The following FMO4 variants were observed in gnomAD, a reference collection of about 807,000 sequenced individuals.
FMO4 encodes the protein dimethylaniline monooxygenase [N-oxide-forming] 4.
FMO4 carries 38 observed loss-of-function variants against 43.3 expected under a neutral mutation model. The ratio of observed to expected loss-of-function variants is 0.88; its 90% confidence interval spans 0.68 to 1.15. The LOEUF is 1.15. Ranked by LOEUF, FMO4 falls within the 50% of genes most tolerant of loss-of-function variation. FMO4 has a pLI of 0.00. For synonymous variants in FMO4, 224 were observed against 232.2 expected, an observed-to-expected ratio of 0.96 and a Z score of 0.32; for missense variants, 631 against 663.3, an observed-to-expected ratio of 0.95 and a Z score of 0.54.
At chr1:171,338,888 C>G (rs1218953910) in intron 9 of FMO4, among the ~76,000 whole-genome samples, 1 of 152,072 alleles carries the variant, frequency 6.6e-6, no homozygotes, top group Non-Finnish European at 1.5e-5. Context: ...TACAATGGTG[C>G]CTGGAATGTG....
At chr1:171,335,999 A>G (rs1663098823) in intron 8 of FMO4, among the ~76,000 whole-genome samples, 1 of 152,230 alleles carries the variant, frequency 6.6e-6, no homozygotes. Flanking sequence ...AGCTCACACC[A>G]TAGGAGTAAT....
At chr1:171,317,562 T>G (rs16864389) in intron 2 of FMO4, among the ~76,000 whole-genome samples, 6,749 of 152,256 alleles carry the variant, frequency 0.044, 476 homozygotes, top group African/African-American at 0.15. Context: ...AGCAATGTGA[T>G]ATGTGCAGAA....
At chr1:171,317,561 A>G (rs1316812112) in intron 2 of FMO4, among the ~76,000 whole-genome samples, 2 of 152,172 alleles carry the variant, frequency 1.3e-5, no homozygotes, top group South Asian at 2.1e-4. Flanking sequence ...AAGCAATGTG[A>G]TATGTGCAGA....
chr1:171,323,263 A>T, intron 4 of FMO4, 71 bp downstream of exon 4: 1 of 1,010,376 alleles, frequency 9.9e-7, no homozygotes, highest in East Asian at 2.4e-5. Flanking sequence ...TGAAAATTGG[A>T]TGTTTAAAGT....
chr1:171,332,560 G>A lies in FMO4; in HGVS notation c.628-149G>A, dbSNP rs1451486919. The A allele has an allele frequency of 6.9e-6, 4 of 583,362 alleles. No individual in the cohort carries two copies. In the African/African-American group the frequency reaches 7.5e-5, roughly 11 times the overall value. The allele number at this position is 583,362 out of a possible 1,614,324, so 36.1% of individuals were successfully genotyped here. A position where few individuals can be genotyped will look rare whatever the true frequency, so the allele number is the denominator to read the frequency against. On this transcript the variant is annotated intron_variant, in intron 6 of 9. Transcript: ENST00000367749. ...GAGAACAATGACAGCAATAGGAACA[G>A]ATAATCGTATGTAGACCTATGTACA...
At chr1:171,326,538 GTTTCT>G (rs1412020262) in intron 5 of FMO4, among the ~76,000 whole-genome samples, 2 of 152,204 alleles carry the variant, frequency 1.3e-5, no homozygotes, top group Non-Finnish European at 2.9e-5. Context: ...TTACAAGCAG[GTTTCT>G]GAAGGGAACA....
At position 171,324,177 on chromosome 1, in the gene FMO4, G is replaced by A. The variant is rs142319717; in HGVS notation, c.361G>A (p.Glu121Lys). The A allele has an allele frequency of 2.4e-5, 39 of 1,613,352 alleles. No individual in the cohort carries two copies. The highest frequency in any genetic ancestry group is 3.3e-4 in the Middle Eastern group (2 of 6,076). The change falls in exon 5 of 10, where the codon GAA (glutamate) becomes AAA (lysine). Residue 121 changes from glutamate (E) to lysine (K), a missense_variant. Glu to Lys is a moderately conservative substitution (Grantham distance 56, BLOSUM62 1). Coordinates refer to ENST00000367749, the MANE Select transcript of FMO4 (RefSeq NM_002022.3). Reference protein sequence around the residue: ...CSITKRPDFSETGQWDVVTET... With the variant: ...CSITKRPDFSKTGQWDVVTET... Reference sequence around the variant, plus strand: ...CATAACGAAGCGTCCAGACTTCTCCGAAACTGGTCAGTGGGATGTTGTCAC... The same window carrying A: ...CATAACGAAGCGTCCAGACTTCTCCAAAACTGGTCAGTGGGATGTTGTCAC...
At chr1:171,318,559 A>C (rs1033938222) in intron 2 of FMO4, among the ~76,000 whole-genome samples, 2 of 152,114 alleles carry the variant, frequency 1.3e-5, no homozygotes, top group Non-Finnish European at 2.9e-5. Flanking sequence ...GAATATTTTC[A>C]TTTTACTTCC....
At chr1:171,339,400 G>T (rs560535572) in intron 9 of FMO4, among the ~76,000 whole-genome samples, 25 of 152,204 alleles carry the variant, frequency 1.6e-4, no homozygotes, top group African/African-American at 1.9e-4. Flanking sequence ...GCATCTCCAG[G>T]ATCTCATGGA....
intron 6 of FMO4, among the ~76,000 whole-genome samples, chr1:171,332,393 T>C (rs997176289): frequency 6.6e-6 from 1 of 152,220 alleles, no homozygotes; most frequent in African/African-American, 2.4e-5. Flanking sequence ...TTTCCATACC[T>C]TCACTTTAAG....
rs758152278 is a variant in FMO4 at position 171,324,195 on chromosome 1, G to A, written c.379G>A (p.Val127Ile). 6.2e-6 allele frequency: 10 copies of A among 1,613,698 alleles called. No individual in the cohort carries two copies. Among genetic ancestry groups the A allele is most frequent in the Non-Finnish European group, 8.5e-6 (10 of 1,179,848 alleles). ...CTTCTCCGAAACTGGTCAGTGGGAT[G>A]TTGTCACAGAGACAGAGGGCAAGCA... The part of the protein sequence containing the change: ...PDFSETGQWD[V>I]VTETEGKQNR... The change falls in exon 5 of 10, where the codon GTT becomes ATT. Residue 127 changes from valine to isoleucine, a missense_variant. Transcript: ENST00000367749.
chr1:171,337,228 C>A, intron 8 of FMO4, 128 bp from the exon 9 acceptor site: 1 of 723,398 alleles, frequency 1.4e-6, no homozygotes, highest in Admixed American at 2.3e-5. Flanking sequence ...GCTGCATTTC[C>A]ATTCTGAGCT....
At chr1:171,338,199 C>T (rs571447630) in intron 9 of FMO4, among the ~76,000 whole-genome samples, 2 of 152,178 alleles carry the variant, frequency 1.3e-5, no homozygotes, top group African/African-American at 4.8e-5. Context: ...CTCCTACCTA[C>T]CAAATAAATC....
intron 1 of FMO4, among the ~76,000 whole-genome samples, 200 bp from the exon 2 acceptor site, chr1:171,315,986 T>C (rs562351105): frequency 1.1e-3 from 162 of 152,314 alleles, no homozygotes; most frequent in Middle Eastern, 6.8e-3. Flanking sequence ...CTTTTTTAAA[T>C]TCTAAGACTT....
intron 2 of FMO4, among the ~76,000 whole-genome samples, chr1:171,317,285 A>T: frequency 1.3e-5 from 2 of 152,316 alleles, no homozygotes; most frequent in South Asian, 4.1e-4. Context: ...TACAAAAATC[A>T]CACAGGGGTT....
intron 5 of FMO4, among the ~76,000 whole-genome samples, chr1:171,326,929 A>G (rs1197575952): frequency 1.3e-5 from 2 of 152,124 alleles, no homozygotes; most frequent in African/African-American, 2.4e-5. Context: ...TATCAAATAT[A>G]TTTCTTTTTT....
At chr1:171,332,962 C>T (rs1662965372) in intron 7 of FMO4, 54 bp downstream of exon 7, 3 of 833,224 alleles carry the variant, frequency 3.6e-6, no homozygotes, top group East Asian at 2.7e-5. Context: ...TTTATCATTA[C>T]ATTTTATTCA....
intron 5 of FMO4, among the ~76,000 whole-genome samples, chr1:171,328,548 G>T (rs1009673131): frequency 1.3e-5 from 2 of 152,058 alleles, no homozygotes; most frequent in Non-Finnish European, 2.9e-5. Flanking sequence ...TACTCAGGAG[G>T]CTGAGGCAGG....
intron 2 of FMO4, among the ~76,000 whole-genome samples, chr1:171,317,774 A>G (rs1334168787): frequency 6.6e-6 from 1 of 151,588 alleles, no homozygotes; most frequent in Admixed American, 6.6e-5. Context: ...CAAGCTAAGA[A>G]CCTCCCCTCA....
Sources: gnomAD v4.1 joint callset for allele counts (sites outside exome capture counted in the v4.1 genomes callset) on GRCh38, gnomAD v4.1.1 for gene constraint, MANE v1.5 for transcripts, NCBI Gene and HGNC (gene_info 2026-07-23, HGNC 2026-07-21) for gene names.